Variants in BANK1 observed in about 807,000 individuals in gnomAD.
BANK1 encodes the protein B cell scaffold protein with ankyrin repeats 1.
BANK1 carries 95 observed loss-of-function variants against 94.5 expected under a neutral mutation model. The observed-to-expected ratio is 1.00, with a 90% CI of 0.85 to 1.19. BANK1 has a LOEUF of 1.19. BANK1 is among the 50% of genes most tolerant of loss of function. The pLI, the probability that BANK1 is intolerant of heterozygous loss-of-function variation, is 0.00. For missense variants in BANK1, 987 were observed against 932.2 expected, an observed-to-expected ratio of 1.06 and a Z score of -0.77; for synonymous variants, 334 against 308.4, an observed-to-expected ratio of 1.08 and a Z score of -0.87.
chr4:101,989,579 T>G (rs1725631427), intron 7 of BANK1, among the ~76,000 whole-genome samples: 4 of 152,056 alleles, frequency 2.6e-5, no homozygotes, highest in Non-Finnish European at 5.9e-5. Flanking sequence ...GGGCCAAGAT[T>G]CAAACTGGAC....
At chr4:101,879,604 G>A (rs1284647476) in intron 5 of BANK1, among the ~76,000 whole-genome samples, 1 of 151,792 alleles carries the variant, frequency 6.6e-6, no homozygotes, top group East Asian at 1.9e-4. Context: ...TACGAGCCCT[G>A]TATTACCCTA....
At chr4:102,016,502 A>T (rs1332106871) in intron 7 of BANK1, among the ~76,000 whole-genome samples, 1 of 152,182 alleles carries the variant, frequency 6.6e-6, no homozygotes, top group African/African-American at 2.4e-5. Flanking sequence ...GGCTCCTGAA[A>T]AGAAACTCTA....
chr4:101,845,810 GAATT>G (rs1727220537), intron 2 of BANK1, among the ~76,000 whole-genome samples: 1 of 152,234 alleles, frequency 6.6e-6, no homozygotes, highest in African/African-American at 2.4e-5. Flanking sequence ...GCTATGGTAA[GAATT>G]AATGCCTTAG....
chr4:101,819,123 G>A (rs1001428942), intron 1 of BANK1, among the ~76,000 whole-genome samples: 6 of 152,036 alleles, frequency 3.9e-5, no homozygotes, highest in Non-Finnish European at 8.8e-5. Context: ...TATTACACCT[G>A]ACTTCTATAA....
chr4:101,987,280 G>T (rs1299408842), intron 7 of BANK1, among the ~76,000 whole-genome samples: 1 of 151,986 alleles, frequency 6.6e-6, no homozygotes, highest in Non-Finnish European at 1.5e-5. Flanking sequence ...TAAGTGTTCT[G>T]TGTGTGTGTA....
chr4:101,980,338 T>A (rs1172945491), intron 7 of BANK1, among the ~76,000 whole-genome samples: 2 of 151,896 alleles, frequency 1.3e-5, no homozygotes, highest in East Asian at 3.9e-4. Context: ...ATTTTTTTCC[T>A]GAGTATCAAT....
chr4:101,918,335 C>T (rs937130811), intron 7 of BANK1, 146 bp downstream of exon 7: 4 of 449,250 alleles, frequency 8.9e-6, no homozygotes, highest in Non-Finnish European at 1.5e-5. Flanking sequence ...TATCAATAAT[C>T]GTTAGGTTGC....
intron 6 of BANK1, among the ~76,000 whole-genome samples, chr4:101,906,061 C>T (rs1195304624): frequency 1.3e-5 from 2 of 152,114 alleles, no homozygotes; most frequent in Non-Finnish European, 2.9e-5. Context: ...AGTTGGTCTG[C>T]AGTTATATTA....
At position 101,951,594 on chromosome 4, in the gene BANK1, GA is replaced by G. The variant is rs1233959185; in HGVS notation, c.1206+33410del. 2.0e-5 allele frequency among the ~76,000 whole-genome samples: 3 copies of G among 152,064 alleles called. No individual in the cohort carries two copies. In the East Asian group the frequency reaches 5.8e-4, roughly 29 times the overall value. On this transcript the variant is annotated intron_variant, in intron 7 of 16. Transcript: ENST00000322953. ...CTTAGATTAGACTGTTTCTTTGTAA[GA>G]AAAACAAATCCTTAGATTTACTCAT...
At chr4:101,849,529 A>G (rs957532006) in intron 2 of BANK1, among the ~76,000 whole-genome samples, 1 of 152,076 alleles carries the variant, frequency 6.6e-6, no homozygotes, top group Non-Finnish European at 1.5e-5. Flanking sequence ...ATACACACAC[A>G]CACAAATATA....
At chr4:101,882,200 C>T (rs1728702744) in intron 5 of BANK1, among the ~76,000 whole-genome samples, 2 of 151,868 alleles carry the variant, frequency 1.3e-5, no homozygotes, top group South Asian at 4.2e-4. Context: ...ATATATATAC[C>T]TAATATGTAC....
intron 7 of BANK1, among the ~76,000 whole-genome samples, chr4:101,982,507 A>C (rs1216953893): frequency 6.6e-6 from 1 of 152,020 alleles, no homozygotes; most frequent in Non-Finnish European, 1.5e-5. Context: ...TTTGTTTGAC[A>C]ATAAGCAAAT....
intron 6 of BANK1, among the ~76,000 whole-genome samples, chr4:101,917,669 A>G (rs62322687): frequency 2.6e-5 from 4 of 151,982 alleles, no homozygotes; most frequent in Admixed American, 6.6e-5. Flanking sequence ...GTTAATGTCT[A>G]AGTACATTCA....
At chr4:102,007,248 GAC>G (rs1203858559) in intron 7 of BANK1, among the ~76,000 whole-genome samples, 2 of 145,962 alleles carry the variant, frequency 1.4e-5, no homozygotes, top group Non-Finnish European at 3.0e-5. Flanking sequence ...TGTATATCTG[GAC>G]AGATTTGTTG....
intron 8 of BANK1, 69 bp downstream of exon 8, chr4:102,021,661 G>A: frequency 4.8e-6 from 3 of 624,072 alleles, no homozygotes; most frequent in Non-Finnish European, 7.2e-6. Flanking sequence ...TGTGACTTAT[G>A]GAAGATGTAA....
At chr4:101,912,054 TAC>T (rs900941259) in intron 6 of BANK1, among the ~76,000 whole-genome samples, 42 of 151,498 alleles carry the variant, frequency 2.8e-4, no homozygotes, top group African/African-American at 8.5e-4. Context: ...CACACACACA[TAC>T]ACACACACAC....
At chr4:102,055,611 CTT>C in intron 11 of BANK1, among the ~76,000 whole-genome samples, 1 of 151,966 alleles carries the variant, frequency 6.6e-6, no homozygotes, top group African/African-American at 2.4e-5. Flanking sequence ...CTATAAGACT[CTT>C]AAAAATTATT....
At chr4:101,953,008 C>A (rs547499935) in intron 7 of BANK1, among the ~76,000 whole-genome samples, 10 of 152,092 alleles carry the variant, frequency 6.6e-5, no homozygotes, top group Non-Finnish European at 1.2e-4. Flanking sequence ...TAGACAAGGG[C>A]TTTTGCCGAC....
chr4:101,918,030 T>C lies in BANK1; in HGVS notation c.1047T>C (p.Cys349=). Reference sequence around the variant, plus strand: ...AAGAACTTCCAACTCTTCTCCACTGTGCAGCAAAATTTGGCTTAAAGAACC... The same window carrying C: ...AAGAACTTCCAACTCTTCTCCACTGCGCAGCAAAATTTGGCTTAAAGAACC... ...HFKELPTLLH[C]AAKFGLKNLA... The change falls in exon 7 of 17, where the codon TGT becomes TGC. Residue 349 remains cysteine (C), a synonymous_variant. Coordinates refer to ENST00000322953, the MANE Select transcript of BANK1 (RefSeq NM_017935.5). 6.2e-7 allele frequency: 1 copy of C among 1,611,600 alleles called. No individual in the cohort carries two copies.
Sources: gnomAD v4.1 joint callset for allele counts (sites outside exome capture counted in the v4.1 genomes callset) on GRCh38, gnomAD v4.1.1 for gene constraint, MANE v1.5 for transcripts, NCBI Gene and HGNC (gene_info 2026-07-23, HGNC 2026-07-21) for gene names.